The following ARHGEF4 variants were observed in gnomAD, a reference collection of about 807,000 sequenced individuals.
ARHGEF4 encodes APC-stimulated guanine nucleotide exchange factor 1.
ARHGEF4 carries 119 observed loss-of-function variants against 162.0 expected under a neutral mutation model. The ratio of observed to expected loss-of-function variants is 0.73; its 90% CI spans 0.63 to 0.86. The LOEUF is 0.86. Among genes scored for constraint, ARHGEF4 ranks in the 40% least tolerant of loss-of-function variants. The pLI is 0.00. For missense variants in ARHGEF4, 2,488 were observed against 2,456.0 expected (o/e 1.01, Z -0.28); for synonymous variants, 1,014 against 979.9 (o/e 1.03, Z -0.65).
At chr2:130,910,969 C>T (rs1417497578) in intron 1 of ARHGEF4, among the ~76,000 whole-genome samples, 11 of 152,226 alleles carry the variant, frequency 7.2e-5, no homozygotes, top group Non-Finnish European at 1.3e-4. Context: ...TCCTCACATA[C>T]TAATATTCTC....
chr2:130,971,259 T>C (rs1386701592), intron 4 of ARHGEF4, among the ~76,000 whole-genome samples: 1 of 152,258 alleles, frequency 6.6e-6, no homozygotes, highest in Admixed American at 6.5e-5. Context: ...TTCTGTTCCA[T>C]GCTGTAGTTT....
intron 1 of ARHGEF4, among the ~76,000 whole-genome samples, chr2:130,848,061 T>G (rs1221703427): frequency 6.6e-6 from 1 of 152,222 alleles, no homozygotes; most frequent in East Asian, 1.9e-4. Context: ...GAAAGTCATC[T>G]GAGGACATGG....
intron 1 of ARHGEF4, among the ~76,000 whole-genome samples, chr2:130,869,454 C>T (rs527477413): frequency 2.9e-4 from 44 of 152,266 alleles, no homozygotes; most frequent in African/African-American, 1.1e-3. Flanking sequence ...GGGAGTTACC[C>T]CTGAGATAAG....
At chr2:130,910,813 A>C (rs1216186762) in intron 1 of ARHGEF4, among the ~76,000 whole-genome samples, 3 of 152,372 alleles carry the variant, frequency 2.0e-5, no homozygotes, top group South Asian at 2.1e-4. Flanking sequence ...CATTAAATAG[A>C]AATCAGAAAC....
At chr2:130,874,046 A>G (rs1335695332) in intron 1 of ARHGEF4, among the ~76,000 whole-genome samples, 3 of 152,100 alleles carry the variant, frequency 2.0e-5, no homozygotes, top group South Asian at 4.2e-4. Flanking sequence ...CAATTCCTCA[A>G]TTCAACCCTG....
intron 4 of ARHGEF4, among the ~76,000 whole-genome samples, chr2:131,001,876 A>T (rs1687794679): frequency 6.6e-6 from 1 of 150,930 alleles, no homozygotes; most frequent in South Asian, 2.1e-4. Flanking sequence ...AGAACAATTT[A>T]AGCACAGAGA....
At chr2:130,857,031 G>C (rs527856869) in intron 1 of ARHGEF4, among the ~76,000 whole-genome samples, 1 of 152,056 alleles carries the variant, frequency 6.6e-6, no homozygotes. Context: ...GACCATCCTG[G>C]CTAACATGGT....
At chr2:130,990,823 TA>T (rs550100332) in intron 4 of ARHGEF4, among the ~76,000 whole-genome samples, 123 of 152,198 alleles carry the variant, frequency 8.1e-4, no homozygotes, top group South Asian at 4.4e-3. Context: ...TTTTTTCCCT[TA>T]ATTCTTACTA....
intron 4 of ARHGEF4, among the ~76,000 whole-genome samples, chr2:130,988,957 A>ATTTTCTT (rs1177810056): frequency 6.8e-6 from 1 of 147,798 alleles, no homozygotes; most frequent in Admixed American, 6.8e-5. Flanking sequence ...AAATATAATT[A>ATTTTCTT]TTTTCTTTTT....
chr2:130,845,959 A>G (rs1680929114), intron 1 of ARHGEF4, among the ~76,000 whole-genome samples: 1 of 152,254 alleles, frequency 6.6e-6, no homozygotes, highest in South Asian at 2.1e-4. Context: ...GAGGAAGGAC[A>G]GAGGCAGTGG....
rs769215915 is a variant in ARHGEF4, at chr2:131,027,979, C to T, written c.4020C>T (p.Cys1340=). The T allele has an allele frequency of 2.4e-5, 38 of 1,613,934 alleles. No individual in the cohort carries two copies. Among genetic ancestry groups the T allele is most frequent in the Middle Eastern group, 1.7e-4 (1 of 6,018 alleles). The change falls in exon 5 of 14, where the codon TGC becomes TGT. Residue 1340 remains cysteine, a synonymous_variant. Coordinates refer to ENST00000409359, the MANE Select transcript of ARHGEF4 (RefSeq NM_001367493.1). ...ATGGAGCTCTGGACACAGCTGTCTG[C>T]GCTGACGAAGTGGGGAGCGAGGAGG... ...MPDGALDTAV[C]ADEVGSEEDL...
At chr2:130,891,894 A>G (rs906801955) in intron 1 of ARHGEF4, among the ~76,000 whole-genome samples, 2 of 152,160 alleles carry the variant, frequency 1.3e-5, no homozygotes, top group Admixed American at 1.3e-4. Flanking sequence ...TCGATAATAC[A>G]CAGATGAAGG....
chr2:130,838,567 C>T (rs1235238809), intron 1 of ARHGEF4, among the ~76,000 whole-genome samples: 1 of 151,644 alleles, frequency 6.6e-6, no homozygotes, highest in East Asian at 1.9e-4. Flanking sequence ...GATAGCACCA[C>T]TGCACTCCAG....
chr2:131,009,604 C>T (rs1310256447), intron 4 of ARHGEF4, among the ~76,000 whole-genome samples: 1 of 152,070 alleles, frequency 6.6e-6, no homozygotes, highest in East Asian at 1.9e-4. Context: ...GCTGCTATTT[C>T]TTTCAGTATT....
At chr2:130,973,346 G>T (rs1558790214) in intron 4 of ARHGEF4, among the ~76,000 whole-genome samples, 1 of 152,158 alleles carries the variant, frequency 6.6e-6, no homozygotes, top group East Asian at 1.9e-4. Context: ...AAAATTAGCT[G>T]GGCATGGTGG....
rs565113886 is a variant in ARHGEF4, at chr2:131,035,302, G to C, written c.4126-3551G>C. 6.7e-6 allele frequency: 8 copies of C among 1,192,924 alleles called. No homozygotes were observed. In the African/African-American group the frequency reaches 1.3e-4, roughly 19 times the overall value. 73.9% of individuals were successfully genotyped at this position (1,192,924 alleles called of 1,614,324 possible). A position where few individuals can be genotyped will look rare whatever the true frequency, so the allele number is the denominator to read the frequency against. On this transcript the variant is annotated intron_variant, in intron 5 of 13. Coordinates refer to ENST00000409359, the MANE Select transcript of ARHGEF4 (RefSeq NM_001367493.1). The stretch of plus-strand genomic sequence containing the variant: ...CGCCGCGCCGGGGTGAGTGGCGCGG[G>C]CGACGGCACTCCAGCCGTTGCCACC...
intron 1 of ARHGEF4, among the ~76,000 whole-genome samples, chr2:130,842,031 C>G (rs1194581764): frequency 1.3e-5 from 2 of 152,346 alleles, no homozygotes; most frequent in South Asian, 4.1e-4. Flanking sequence ...TATGTTGGCA[C>G]AGTCCTTGTT....
intron 1 of ARHGEF4, among the ~76,000 whole-genome samples, chr2:130,895,052 C>T (rs1397529238): frequency 6.6e-6 from 1 of 152,200 alleles, no homozygotes; most frequent in African/African-American, 2.4e-5. Context: ...AAGAACTTTT[C>T]TATTATTTAA....
chr2:131,040,033 C>G lies in ARHGEF4; in HGVS notation c.4323C>G (p.Asp1441Glu), dbSNP rs551214782. Reference protein sequence around the residue: ...ASFVRLRVNQDEPADDDAPLA... With the variant: ...ASFVRLRVNQEEPADDDAPLA... Reference sequence around the variant, plus strand: ...GCCTGCAGCTGAGGGTGAATCAGGACGAGCCCGCGGATGACGACGCCCCTC... The same window carrying G: ...GCCTGCAGCTGAGGGTGAATCAGGAGGAGCCCGCGGATGACGACGCCCCTC... The change falls in exon 7 of 14, where the codon GAC (aspartate) becomes GAG (glutamate). Residue 1441 changes from aspartate to glutamate, a missense_variant. By Grantham distance (45) the Asp-to-Glu change is conservative (BLOSUM62 2). Transcript: ENST00000409359. 4.5e-6 allele frequency: 7 copies of G among 1,565,068 alleles called. No individual in the cohort carries two copies. In the South Asian group the frequency reaches 5.8e-5, roughly 13 times the overall value.
Sources: allele counts gnomAD v4.1 joint callset (sites outside exome capture counted in the v4.1 genomes callset), GRCh38; gene constraint gnomAD v4.1.1; transcripts MANE v1.5; gene names NCBI Gene and HGNC (gene_info 2026-07-23, HGNC 2026-07-21).